The following ARHGAP6 variants were observed in gnomAD, a reference collection of about 807,000 sequenced individuals.
ARHGAP6 encodes the protein Rho GTPase activating protein 6, also known as rho GTPase-activating protein 6.
In ARHGAP6, 16 loss-of-function variants were observed where a neutral mutation model predicts 55.7. The observed-to-expected ratio is 0.29, with a 90% CI of 0.19 to 0.44. The LOEUF is 0.44. Among genes scored for constraint, ARHGAP6 ranks in the 20% least tolerant of loss-of-function variants. ARHGAP6 has a pLI of 1.00. For synonymous variants in ARHGAP6, 382 were observed against 360.9 expected, an observed-to-expected ratio of 1.06 and a Z score of -0.66; for missense variants, 698 against 808.9, an observed-to-expected ratio of 0.86 and a Z score of 1.66.
intron 10 of ARHGAP6, among the ~76,000 whole-genome samples, chrX:11,149,108 G>A (rs942685804): frequency 8.9e-6 from 1 of 112,107 alleles, no homozygotes; most frequent in Non-Finnish European, 1.9e-5. Context: ...TAAGCCTTTG[G>A]TGAAATTTTT....
At chrX:11,346,071 G>T (rs2048780045) in intron 1 of ARHGAP6, among the ~76,000 whole-genome samples, 1 of 110,386 alleles carries the variant, frequency 9.1e-6, no homozygotes, top group South Asian at 3.9e-4. Context: ...AAGTAGCTGG[G>T]ATTACAGGCG....
intron 1 of ARHGAP6, among the ~76,000 whole-genome samples, chrX:11,389,718 C>T (rs2049378858): frequency 8.9e-6 from 1 of 112,388 alleles, no homozygotes; most frequent in African/African-American, 3.2e-5. Flanking sequence ...TTCCAAATCA[C>T]TTGGTAAATT....
intron 1 of ARHGAP6, among the ~76,000 whole-genome samples, chrX:11,315,388 G>A (rs965344930): frequency 8.9e-6 from 1 of 112,186 alleles, no homozygotes; most frequent in Non-Finnish European, 1.9e-5. Context: ...AGACTCTAAT[G>A]AATGCCACCA....
At chrX:11,568,902 C>T (rs1021191684) in intron 1 of ARHGAP6, among the ~76,000 whole-genome samples, 1 of 111,436 alleles carries the variant, frequency 9.0e-6, no homozygotes, top group Non-Finnish European at 1.9e-5. Flanking sequence ...GAAGGAGTAA[C>T]AAAAACTGAT....
chrX:11,281,879 G>A (rs1603013017), intron 1 of ARHGAP6, among the ~76,000 whole-genome samples: 1 of 111,752 alleles, frequency 8.9e-6, no homozygotes, highest in African/African-American at 3.3e-5. Flanking sequence ...GTTTGAGATT[G>A]TTATTATTTC....
intron 1 of ARHGAP6, among the ~76,000 whole-genome samples, chrX:11,571,118 G>A (rs1456714536): frequency 8.9e-6 from 1 of 111,960 alleles, no homozygotes; most frequent in Non-Finnish European, 1.9e-5. Context: ...CTAGAACAGT[G>A]AGAAATAAAA....
chrX:11,198,800 A>G (rs765319334), intron 2 of ARHGAP6, among the ~76,000 whole-genome samples: 21 of 112,271 alleles, frequency 1.9e-4, no homozygotes, highest in Non-Finnish European at 3.4e-4. Context: ...TAATAATCGT[A>G]AGTCCAACTC....
intron 2 of ARHGAP6, among the ~76,000 whole-genome samples, chrX:11,240,714 A>C (rs1373396403): frequency 9.0e-6 from 1 of 110,780 alleles, no homozygotes; most frequent in African/African-American, 3.3e-5. Context: ...AAAAATTCAA[A>C]ATTCAGTGCT....
intron 2 of ARHGAP6, among the ~76,000 whole-genome samples, chrX:11,227,403 C>G (rs968765125): frequency 8.9e-6 from 1 of 111,772 alleles, no homozygotes; most frequent in Non-Finnish European, 1.9e-5. Flanking sequence ...CTGTAATGGT[C>G]CTTTAATTTC....
chrX:11,467,984 G>GAATA (rs1464267580), intron 1 of ARHGAP6, among the ~76,000 whole-genome samples: 60 of 45,771 alleles, frequency 1.3e-3, no homozygotes, highest in African/African-American at 3.8e-3. Flanking sequence ...TGTCTTAAAT[G>GAATA]AATGAATGAA....
At chrX:11,360,017 G>T (rs1241178230) in intron 1 of ARHGAP6, among the ~76,000 whole-genome samples, 1 of 111,477 alleles carries the variant, frequency 9.0e-6, no homozygotes, top group Non-Finnish European at 1.9e-5. Flanking sequence ...ATAATCAATA[G>T]CTTACCAACC....
chrX:11,651,789 C>T (rs755799821), intron 1 of ARHGAP6, among the ~76,000 whole-genome samples: 8 of 111,667 alleles, frequency 7.2e-5, no homozygotes, highest in Non-Finnish European at 1.1e-4. Context: ...TCCACAACCT[C>T]GCCAGCATCT....
chrX:11,326,456 G>A (rs925815847), intron 1 of ARHGAP6, among the ~76,000 whole-genome samples: 14 of 110,817 alleles, frequency 1.3e-4, no homozygotes, highest in South Asian at 3.9e-4. Flanking sequence ...TATGGAAAGC[G>A]GAATTTAAAT....
chrX:11,656,571 C>T (rs1264085714), intron 1 of ARHGAP6, among the ~76,000 whole-genome samples: 1 of 111,677 alleles, frequency 9.0e-6, no homozygotes, highest in Non-Finnish European at 1.9e-5. Context: ...GCTGTGGCTG[C>T]TTCCTCCATC....
At chrX:11,166,902 T>C (rs1360003655) in intron 9 of ARHGAP6, among the ~76,000 whole-genome samples, 3 of 111,888 alleles carry the variant, frequency 2.7e-5, no homozygotes, top group Non-Finnish European at 5.6e-5. Flanking sequence ...ACTTGAGATA[T>C]TTGTCTCCCT....
At chrX:11,468,008 A>G (rs1456994140) in intron 1 of ARHGAP6, among the ~76,000 whole-genome samples, 1 of 105,940 alleles carries the variant, frequency 9.4e-6, no homozygotes, top group Non-Finnish European at 2.0e-5. Flanking sequence ...ATAAATAAAT[A>G]AATAAATAAA....
chrX:11,248,137 G>T (rs995454606), intron 2 of ARHGAP6, among the ~76,000 whole-genome samples: 3 of 111,793 alleles, frequency 2.7e-5, no homozygotes, highest in African/African-American at 9.7e-5. Flanking sequence ...TGGATATACA[G>T]GAGGGAGGAG....
At chrX:11,464,723 T>C (rs921097217) in intron 1 of ARHGAP6, among the ~76,000 whole-genome samples, 1 of 112,557 alleles carries the variant, frequency 8.9e-6, no homozygotes, top group Non-Finnish European at 1.9e-5. Context: ...TGCTTCTGTT[T>C]CCTTAACTAT....
At chrX:11,415,917 G>A (rs2049741355) in intron 1 of ARHGAP6, among the ~76,000 whole-genome samples, 1 of 111,719 alleles carries the variant, frequency 9.0e-6, no homozygotes, top group African/African-American at 3.3e-5. Context: ...ACTAGGATCC[G>A]TGATGGTTTT....
Sources: gnomAD v4.1 joint callset for allele counts (sites outside exome capture counted in the v4.1 genomes callset) on GRCh38, gnomAD v4.1.1 for gene constraint, MANE v1.5 for transcripts, NCBI Gene and HGNC (gene_info 2026-07-23, HGNC 2026-07-21) for gene names.